The following USH2A variants were observed in gnomAD, a reference collection of about 807,000 sequenced individuals.
USH2A encodes the protein Usher syndrome 2A (autosomal recessive, mild).
USH2A carries 443 observed loss-of-function variants against 538.9 expected under a neutral mutation model. The observed-to-expected ratio is 0.82, with a 90% CI of 0.76 to 0.89. The LOEUF is 0.89. USH2A is among the 40% of genes least tolerant of loss of function. USH2A has a pLI of 0.00. For missense variants in USH2A, 6,633 were observed against 6,324.8 expected (o/e 1.05, Z -1.65); for synonymous variants, 2,413 against 2,273.5 (o/e 1.06, Z -1.75).
Position 215,893,054 on chromosome 1 carries a change from A to G in USH2A, c.7595-4000T>C, listed in dbSNP as rs546745165. Reference sequence around the variant, plus strand: ...ATAAAATGCATTGATGTGAGAATTCATGAAGTCAGGAAAACATCCTAAAAA... The same window carrying G: ...ATAAAATGCATTGATGTGAGAATTCGTGAAGTCAGGAAAACATCCTAAAAA... On this transcript the variant is annotated intron_variant, in intron 40 of 71. Transcript: ENST00000307340. 1.1e-4 allele frequency among the ~76,000 whole-genome samples: 17 copies of G among 152,280 alleles called. No individual in the cohort carries two copies. In the South Asian group the frequency reaches 2.9e-3, roughly 26 times the overall value.
intron 30 of USH2A, among the ~76,000 whole-genome samples, chr1:216,063,494 A>T (rs1571927688): frequency 6.6e-6 from 1 of 152,172 alleles, no homozygotes. Context: ...TCAATTTAGC[A>T]TTGAGAGAAG....
intron 21 of USH2A, among the ~76,000 whole-genome samples, chr1:216,122,553 G>A (rs1452514179): frequency 6.6e-6 from 1 of 152,166 alleles, no homozygotes; most frequent in Non-Finnish European, 1.5e-5. Context: ...ATACTAGGCA[G>A]CTTTCCAAGA....
At chr1:216,241,803 G>A (rs2035943408) in intron 13 of USH2A, among the ~76,000 whole-genome samples, 1 of 151,984 alleles carries the variant, frequency 6.6e-6, no homozygotes, top group Non-Finnish European at 1.5e-5. Flanking sequence ...CAGTGCTGGG[G>A]TTACAGGCAT....
intron 13 of USH2A, among the ~76,000 whole-genome samples, 164 bp from the exon 14 acceptor site, chr1:216,232,300 A>C (rs1572074548): frequency 1.3e-5 from 2 of 152,204 alleles, no homozygotes; most frequent in East Asian, 3.8e-4. Flanking sequence ...ATGACCAAAG[A>C]AAAACTGAGT....
intron 11 of USH2A, among the ~76,000 whole-genome samples, chr1:216,289,022 AC>A (rs1178129502): frequency 6.6e-6 from 1 of 152,128 alleles, no homozygotes; most frequent in Non-Finnish European, 1.5e-5. Context: ...TTTACTTAGA[AC>A]CCCTACCCTT....
At chr1:215,882,841 AC>A (rs1664950952) in intron 41 of USH2A, among the ~76,000 whole-genome samples, 1 of 152,140 alleles carries the variant, frequency 6.6e-6, no homozygotes, top group Non-Finnish European at 1.5e-5. Flanking sequence ...TGTTAATCCT[AC>A]TGACATTATT....
intron 32 of USH2A, 49 bp downstream of exon 32, chr1:216,046,382 T>C: frequency 6.2e-7 from 1 of 1,609,106 alleles, no homozygotes; most frequent in Non-Finnish European, 8.5e-7. Flanking sequence ...TGTATGTTTA[T>C]ATTTGAATAT....
chr1:216,272,098 G>C (rs2036586501), intron 11 of USH2A, among the ~76,000 whole-genome samples: 1 of 152,056 alleles, frequency 6.6e-6, no homozygotes, highest in Non-Finnish European at 1.5e-5. Context: ...ATTCCTTTAT[G>C]TTAGTGGCAA....
At chr1:215,959,314 T>C (rs1275034830) in intron 37 of USH2A, among the ~76,000 whole-genome samples, 1 of 152,086 alleles carries the variant, frequency 6.6e-6, no homozygotes, top group East Asian at 1.9e-4. Context: ...TTCAGGACCA[T>C]CAGGTCTTAT....
intron 11 of USH2A, among the ~76,000 whole-genome samples, chr1:216,280,678 G>T (rs1031250552): frequency 6.8e-6 from 1 of 147,280 alleles, no homozygotes; most frequent in Non-Finnish European, 1.5e-5. Flanking sequence ...CCCCTCTCAA[G>T]ATTTTGGCAT....
chr1:215,837,421 C>G (rs986328624), intron 47 of USH2A, among the ~76,000 whole-genome samples: 17 of 151,944 alleles, frequency 1.1e-4, no homozygotes, highest in Admixed American at 2.6e-4. Flanking sequence ...GGAAACAATA[C>G]CAAATATTAT....
intron 56 of USH2A, among the ~76,000 whole-genome samples, chr1:215,763,689 C>T (rs1571662000): frequency 6.6e-6 from 1 of 152,108 alleles, no homozygotes; most frequent in East Asian, 1.9e-4. Context: ...AATAATATGA[C>T]ATATTCTTAT....
At chr1:216,015,332 T>A (rs1015423439) in intron 32 of USH2A, among the ~76,000 whole-genome samples, 1 of 152,156 alleles carries the variant, frequency 6.6e-6, no homozygotes, top group Non-Finnish European at 1.5e-5. Flanking sequence ...CAGGTTGCAT[T>A]CATCTCTGCC....
chr1:216,180,726 T>A (rs2034476800), intron 20 of USH2A, among the ~76,000 whole-genome samples: 1 of 152,136 alleles, frequency 6.6e-6, no homozygotes, highest in South Asian at 2.1e-4. Context: ...TAAACAATTT[T>A]TCTATGTTTC....
chr1:216,274,022 C>G (rs947890969), intron 11 of USH2A, among the ~76,000 whole-genome samples: 1 of 152,032 alleles, frequency 6.6e-6, no homozygotes, highest in African/African-American at 2.4e-5. Flanking sequence ...AAAGTTAAAA[C>G]CTAGGAATCT....
rs1454632203 is a variant in USH2A, at chr1:216,422,322, A to ACCTT, written c.14_15insAAGG (p.Leu6ArgfsTer14). Reference sequence around the variant, plus strand: ...ACAAGAAGCCAGAGCCCAATGAAAGAACTGGGCAATTCATGTTTACAAAAA... The same window carrying ACCTT: ...ACAAGAAGCCAGAGCCCAATGAAAGACCTTACTGGGCAATTCATGTTTACAAAAA... On this transcript the variant is annotated frameshift_variant, in exon 2 of 72. Coordinates refer to ENST00000307340, the MANE Select transcript of USH2A (RefSeq NM_206933.4). LOFTEE classifies it high-confidence loss of function. 6.2e-7 allele frequency: 1 copy of ACCTT among 1,613,706 alleles called. No homozygotes were observed. The highest frequency in any genetic ancestry group is 1.3e-5 in the African/African-American group (1 of 74,902).
chr1:216,230,277 T>A (rs2035650662), intron 14 of USH2A, among the ~76,000 whole-genome samples: 1 of 152,184 alleles, frequency 6.6e-6, no homozygotes, highest in South Asian at 2.1e-4. Context: ...GGAGCTAGTA[T>A]GTGCAGTAAC....
At chr1:215,830,062 G>T (rs574423225) in intron 47 of USH2A, among the ~76,000 whole-genome samples, 1 of 152,242 alleles carries the variant, frequency 6.6e-6, no homozygotes, top group African/African-American at 2.4e-5. Context: ...ATCAGGAGGG[G>T]AGACAAAACT....
At chr1:216,117,700 A>G (rs2033039238) in intron 21 of USH2A, among the ~76,000 whole-genome samples, 1 of 151,918 alleles carries the variant, frequency 6.6e-6, no homozygotes, top group Non-Finnish European at 1.5e-5. Flanking sequence ...CAATTAAATC[A>G]CTTGCAATAT....
Sources: allele counts gnomAD v4.1 joint callset (sites outside exome capture counted in the v4.1 genomes callset), GRCh38; gene constraint gnomAD v4.1.1; transcripts MANE v1.5; gene names NCBI Gene and HGNC (gene_info 2026-07-23, HGNC 2026-07-21).